Variants in IL1RAPL1 observed in about 807,000 individuals in gnomAD.
IL1RAPL1 encodes the protein interleukin 1 receptor accessory protein like 1.
Under a neutral mutation model 48.4 loss-of-function variants are expected in IL1RAPL1, and 3 were observed. The ratio of observed to expected loss-of-function variants is 0.06; its 90% CI spans 0.03 to 0.16. The LOEUF (loss-of-function observed/expected upper bound fraction) is 0.16, where lower values mean the gene tolerates loss of function less well. IL1RAPL1 is among the 10% of genes least tolerant of loss of function. The pLI, the probability that IL1RAPL1 is intolerant of heterozygous loss-of-function variation, is 1.00. For missense variants in IL1RAPL1, 349 were observed against 530.6 expected (o/e 0.66, Z 3.36); for synonymous variants, 185 against 187.7 (o/e 0.99, Z 0.12).
intron 2 of IL1RAPL1, among the ~76,000 whole-genome samples, chrX:28,892,014 C>A (rs1922782732): frequency 9.0e-6 from 1 of 111,429 alleles, no homozygotes; most frequent in African/African-American, 3.3e-5. Flanking sequence ...ATTCATATAT[C>A]TTCTGTGGAG....
intron 2 of IL1RAPL1, among the ~76,000 whole-genome samples, chrX:29,102,128 TA>T (rs370134473): frequency 9.3e-6 from 1 of 108,089 alleles, no homozygotes; most frequent in Admixed American, 9.9e-5. Flanking sequence ...CCTTCATGAT[TA>T]AAAAAAAACA....
intron 5 of IL1RAPL1, among the ~76,000 whole-genome samples, chrX:29,400,224 G>T (rs913189351): frequency 8.9e-6 from 1 of 111,796 alleles, no homozygotes; most frequent in Non-Finnish European, 1.9e-5. Flanking sequence ...ACATAGGTTG[G>T]TGGAGTTACC....
intron 2 of IL1RAPL1, among the ~76,000 whole-genome samples, chrX:29,081,020 C>CTCT (rs1555960745): frequency 3.6e-4 from 15 of 41,911 alleles, no homozygotes; most frequent in African/African-American, 6.3e-4. Context: ...CTCTCTCTCT[C>CTCT]TTTCTTTTCT....
intron 8 of IL1RAPL1, among the ~76,000 whole-genome samples, chrX:29,935,299 A>G (rs762982436): frequency 3.1e-4 from 35 of 111,242 alleles, no homozygotes; most frequent in Non-Finnish European, 5.1e-4. Flanking sequence ...TGCCTCACCA[A>G]TCTTTCAACC....
intron 6 of IL1RAPL1, among the ~76,000 whole-genome samples, chrX:29,895,372 GA>G (rs1932361175): frequency 9.1e-6 from 1 of 110,054 alleles, no homozygotes; most frequent in African/African-American, 3.3e-5. Context: ...CCAACATGGT[GA>G]AACCTCATCT....
chrX:29,267,515 A>G (rs962785202), intron 2 of IL1RAPL1, among the ~76,000 whole-genome samples: 1 of 111,989 alleles, frequency 8.9e-6, no homozygotes, highest in Admixed American at 9.5e-5. Context: ...CAGACTTGGC[A>G]TTCTAACATC....
chrX:29,677,309 A>G (rs979461086), intron 6 of IL1RAPL1, among the ~76,000 whole-genome samples: 7 of 112,075 alleles, frequency 6.2e-5, no homozygotes, highest in African/African-American at 1.9e-4. Context: ...TCAACTTAGT[A>G]TATTCCCACA....
chrX:28,768,235 T>C (rs1484700349), intron 1 of IL1RAPL1, among the ~76,000 whole-genome samples: 1 of 111,522 alleles, frequency 9.0e-6, no homozygotes, highest in Admixed American at 9.6e-5. Flanking sequence ...CTTGACTACA[T>C]TGATTTTGTG....
chrX:29,197,246 A>G (rs1930462138), intron 2 of IL1RAPL1, among the ~76,000 whole-genome samples: 1 of 112,450 alleles, frequency 8.9e-6, no homozygotes, highest in Non-Finnish European at 1.9e-5. Context: ...TTAGAAATAT[A>G]GAAATCATTT....
intron 6 of IL1RAPL1, among the ~76,000 whole-genome samples, chrX:29,802,346 C>A (rs974087734): frequency 3.6e-5 from 4 of 111,236 alleles, no homozygotes; most frequent in Non-Finnish European, 7.5e-5. Context: ...ATATTAGTAG[C>A]AATAAAATAT....
At chrX:29,286,016 G>T (rs1932278549) in intron 3 of IL1RAPL1, among the ~76,000 whole-genome samples, 1 of 111,826 alleles carries the variant, frequency 8.9e-6, no homozygotes, top group Non-Finnish European at 1.9e-5. Flanking sequence ...CCATTCTAAG[G>T]TTCTAGTCTT....
intron 5 of IL1RAPL1, among the ~76,000 whole-genome samples, chrX:29,646,919 G>A (rs1204732720): frequency 1.8e-5 from 2 of 111,791 alleles, no homozygotes; most frequent in African/African-American, 3.3e-5. Flanking sequence ...AGTCAAGGGA[G>A]TTCTTCACCA....
At chrX:29,714,911 AGG>A (rs1927442335) in intron 6 of IL1RAPL1, among the ~76,000 whole-genome samples, 2 of 111,845 alleles carry the variant, frequency 1.8e-5, no homozygotes, top group South Asian at 7.5e-4. Context: ...TTTCAAAAAC[AGG>A]GAATTATTTT....
At chrX:29,930,406 A>G (rs1467662505) in intron 8 of IL1RAPL1, among the ~76,000 whole-genome samples, 1 of 112,077 alleles carries the variant, frequency 8.9e-6, no homozygotes, top group Non-Finnish European at 1.9e-5. Context: ...AACTGTCCAG[A>G]ATAAAAGGCA....
At chrX:29,743,120 T>G (rs980656523) in intron 6 of IL1RAPL1, among the ~76,000 whole-genome samples, 3 of 109,033 alleles carry the variant, frequency 2.8e-5, no homozygotes, top group Non-Finnish European at 5.7e-5. Flanking sequence ...TAATATGATA[T>G]AATGTGTTTA....
intron 2 of IL1RAPL1, among the ~76,000 whole-genome samples, chrX:29,109,480 AT>A (rs778299558): frequency 1.8e-5 from 2 of 110,638 alleles, no homozygotes; most frequent in East Asian, 2.8e-4. Flanking sequence ...CCCTTATTTT[AT>A]TTTTTAGTAA....
intron 2 of IL1RAPL1, among the ~76,000 whole-genome samples, chrX:28,941,789 C>T (rs950622529): frequency 1.1e-4 from 12 of 110,386 alleles, no homozygotes; most frequent in Non-Finnish European, 1.7e-4. Context: ...TTATGAATTC[C>T]TTCAGGGAAA....
intron 2 of IL1RAPL1, among the ~76,000 whole-genome samples, chrX:28,974,488 T>G (rs1007249749): frequency 1.8e-5 from 2 of 112,101 alleles, no homozygotes; most frequent in African/African-American, 6.5e-5. Flanking sequence ...ACTCCGAGTT[T>G]TGGCTCAAGA....
At chrX:29,325,213 C>T (rs7473543) in intron 3 of IL1RAPL1, among the ~76,000 whole-genome samples, 1,559 of 112,067 alleles carry the variant, frequency 0.014, 23 homozygotes, top group African/African-American at 0.048. Context: ...AAGGGATGTG[C>T]ATTTATTAAT....
Sources: allele counts gnomAD v4.1 joint callset (sites outside exome capture counted in the v4.1 genomes callset), GRCh38; gene constraint gnomAD v4.1.1; transcripts MANE v1.5; gene names NCBI Gene and HGNC (gene_info 2026-07-23, HGNC 2026-07-21).